Variants in PTPN14 observed in about 807,000 individuals in gnomAD.
The protein encoded by PTPN14 is tyrosine-protein phosphatase non-receptor type 14.
In PTPN14, 53 loss-of-function variants were observed where a neutral mutation model predicts 126.8. The observed-to-expected ratio is 0.42, with a 90% CI of 0.34 to 0.53. The LOEUF is 0.53. PTPN14 is among the 20% of genes least tolerant of loss of function. The probability of loss-of-function intolerance (pLI) is 0.08; values close to 1 mark genes in which losing one functional copy is unlikely to be tolerated. For missense variants in PTPN14, 1,257 were observed against 1,552.9 expected, an observed-to-expected ratio of 0.81 and a Z score of 3.20; for synonymous variants, 630 against 599.3, an observed-to-expected ratio of 1.05 and a Z score of -0.75.
chr1:214,364,569 T>C lies in PTPN14; in HGVS notation c.3378A>G (p.Gly1126=), dbSNP rs778607782. 10 of 1,614,058 alleles carry C rather than the reference T, an allele frequency of 6.2e-6. No individual in the cohort carries two copies. In the South Asian group the frequency reaches 6.6e-5, roughly 11 times the overall value. ...PIVVHCSAGV[G]RTGVLILSEL... ...CAGAAAGAATGAGCACGCCGGTCCT[T>C]CCCACCCCAGCACTACAGTGGACCA... The change falls in exon 18 of 19, where the codon GGA becomes GGG. Residue 1126 remains glycine, a synonymous_variant. Transcript: ENST00000366956. The surrounding 1 kb of genome is among the most constrained non-coding windows in gnomAD (Gnocchi z 4.1).
chr1:214,512,297 G>A (rs1456732067), intron 1 of PTPN14, among the ~76,000 whole-genome samples: 7 of 151,988 alleles, frequency 4.6e-5, no homozygotes, highest in Admixed American at 2.0e-4. Context: ...ACAAAATAAG[G>A]GTTTGGCCTA....
At chr1:214,483,003 A>G in intron 1 of PTPN14, 1 of 1,457,160 alleles carries the variant, frequency 6.9e-7, no homozygotes, top group South Asian at 1.2e-5. Flanking sequence ...TGTCTCCAAT[A>G]CCATTCCCCC....
chr1:214,409,886 G>A (rs1364681703), intron 5 of PTPN14, among the ~76,000 whole-genome samples: 1 of 152,082 alleles, frequency 6.6e-6, no homozygotes, highest in East Asian at 1.9e-4. Context: ...GTTTCAATTT[G>A]CATTTCCCTG....
intron 1 of PTPN14, among the ~76,000 whole-genome samples, chr1:214,519,977 G>C (rs1558139326): frequency 6.7e-6 from 1 of 148,368 alleles, no homozygotes; most frequent in Non-Finnish European, 1.5e-5. Flanking sequence ...AGCCCGCGGG[G>C]TTCGAGGCCA....
At chr1:214,453,724 C>T (rs566588431) in intron 2 of PTPN14, among the ~76,000 whole-genome samples, 1 of 152,258 alleles carries the variant, frequency 6.6e-6, no homozygotes, top group Admixed American at 6.5e-5. Context: ...ACTGACATCT[C>T]TGTGAACCAG....
At chr1:214,372,947 G>A in intron 15 of PTPN14, 108 bp from the exon 16 acceptor site, 1 of 1,463,388 alleles carries the variant, frequency 6.8e-7, no homozygotes, top group South Asian at 1.3e-5. Flanking sequence ...ATATTTTTGG[G>A]GCCGAATGAA....
intron 13 of PTPN14, among the ~76,000 whole-genome samples, chr1:214,382,678 G>T (rs77860529): frequency 0.012 from 1,899 of 152,262 alleles, 43 homozygotes; most frequent in African/African-American, 0.043. Flanking sequence ...TACTAGGATG[G>T]ATCTTCAAGT....
At chr1:214,413,667 GT>G (rs1353839608) in intron 4 of PTPN14, among the ~76,000 whole-genome samples, 2 of 152,086 alleles carry the variant, frequency 1.3e-5, no homozygotes, top group Non-Finnish European at 2.9e-5. Flanking sequence ...TTAAAAAAAT[GT>G]TTTTAATTTT....
At chr1:214,509,396 C>T (rs779619035) in intron 1 of PTPN14, among the ~76,000 whole-genome samples, 2 of 152,210 alleles carry the variant, frequency 1.3e-5, no homozygotes, top group East Asian at 3.8e-4. Flanking sequence ...TTTTCTTCTG[C>T]AGCTTCCTCA....
rs1571963620 is a variant in PTPN14 at position 214,384,033 on chromosome 1, T to G, written c.1822A>C (p.Thr608Pro). ...ACCGGAGAGCTGTCCTCTTGGAAGG[T>G]CTTCACCGAGAGCTGCACCTTCCGG... ...VTRKVQLSVK[T>P]FQEDSSPVVH... The change falls in exon 13 of 19, where the codon ACC becomes CCC. Residue 608 changes from threonine to proline, a missense_variant. By Grantham distance (38) the Thr-to-Pro change is conservative. This residue lies in a region of PTPN14 where 1,021 missense variants were observed against 1,183.3 expected (regional missense o/e 0.86). Coordinates refer to ENST00000366956, the MANE Select transcript of PTPN14 (RefSeq NM_005401.5). The surrounding 1 kb of genome is among the most constrained non-coding windows in gnomAD (Gnocchi z 5.3). 6.3e-7 allele frequency: 1 copy of G among 1,596,172 alleles called. No homozygotes were observed.
At chr1:214,480,090 T>G (rs1483243062) in intron 1 of PTPN14, among the ~76,000 whole-genome samples, 1 of 152,216 alleles carries the variant, frequency 6.6e-6, no homozygotes, top group African/African-American at 2.4e-5. Flanking sequence ...GTTGACAACT[T>G]AGGTTGGTTC....
intron 1 of PTPN14, among the ~76,000 whole-genome samples, chr1:214,492,626 G>A (rs547812953): frequency 2.0e-5 from 3 of 152,226 alleles, no homozygotes; most frequent in South Asian, 2.1e-4. Context: ...ATGTGTTGTC[G>A]GCCGGGCATG....
At chr1:214,381,591 C>G (rs1489794684) in intron 13 of PTPN14, among the ~76,000 whole-genome samples, 1 of 152,178 alleles carries the variant, frequency 6.6e-6, no homozygotes, top group Admixed American at 6.5e-5. Flanking sequence ...TTAAGGTTTT[C>G]CAAAAGTAAC....
At chr1:214,481,436 G>C (rs1237666829) in intron 1 of PTPN14, among the ~76,000 whole-genome samples, 2 of 145,944 alleles carry the variant, frequency 1.4e-5, no homozygotes, top group Non-Finnish European at 3.0e-5. Context: ...GCTCGAACCT[G>C]GGAGGCCAAG....
At chr1:214,471,121 G>A (rs535080464) in intron 1 of PTPN14, among the ~76,000 whole-genome samples, 9 of 149,202 alleles carry the variant, frequency 6.0e-5, no homozygotes, top group Admixed American at 2.0e-4. Context: ...TTTCCGTGAT[G>A]AAAGTAATTT....
chr1:214,532,463 C>A, intron 1 of PTPN14: 1 of 831,822 alleles, frequency 1.2e-6, no homozygotes, highest in Non-Finnish European at 2.1e-6. Flanking sequence ...TGGCCTCCTA[C>A]CTGGACAGAC....
intron 3 of PTPN14, among the ~76,000 whole-genome samples, chr1:214,451,521 G>A (rs759344318): frequency 1.3e-5 from 2 of 151,986 alleles, no homozygotes; most frequent in Non-Finnish European, 2.9e-5. Flanking sequence ...CACAGTCTCC[G>A]ATGAATATTT....
chr1:214,372,234 C>T (rs1206406186), intron 16 of PTPN14: 1 of 162,184 alleles, frequency 6.2e-6, no homozygotes, highest in East Asian at 1.9e-4. Context: ...GAACAGAGGA[C>T]TCTCCAGGAA....
At chr1:214,440,962 T>A (rs1473244467) in intron 3 of PTPN14, among the ~76,000 whole-genome samples, 1 of 152,206 alleles carries the variant, frequency 6.6e-6, no homozygotes, top group Non-Finnish European at 1.5e-5. Context: ...TAGTTAATAA[T>A]CTCTGATCTT....
Sources: gnomAD v4.1 joint callset for allele counts (sites outside exome capture counted in the v4.1 genomes callset) on GRCh38, gnomAD v4.1.1 for gene constraint, gnomAD v4.1.1 regional missense constraint, Gnocchi (gnomAD v3.1) non-coding constraint, MANE v1.5 for transcripts, NCBI Gene and HGNC (gene_info 2026-07-23, HGNC 2026-07-21) for gene names.